VAX2: variants seen among roughly 807,000 people sequenced by gnomAD.
VAX2 encodes ventral anterior homeobox 2.
In VAX2, 8 loss-of-function variants were observed where a neutral mutation model predicts 12.5. That is an observed-to-expected ratio of 0.64 (90% CI 0.37 to 1.15). The LOEUF (loss-of-function observed/expected upper bound fraction) is 1.15. Ranked by LOEUF, VAX2 falls within the 50% of genes most tolerant of loss-of-function variation. The probability of loss-of-function intolerance (pLI) is 0.01; values close to 1 mark genes in which losing one functional copy is unlikely to be tolerated. For synonymous variants in VAX2, 183 were observed against 187.6 expected, an observed-to-expected ratio of 0.98 and a Z score of 0.20; for missense variants, 476 against 412.9, an observed-to-expected ratio of 1.15 and a Z score of -1.32.
chr2:70,908,380 C>T (rs1679107575), intron 1 of VAX2, among the ~76,000 whole-genome samples: 1 of 152,182 alleles, frequency 6.6e-6, no homozygotes, highest in Admixed American at 6.5e-5. Flanking sequence ...GGTTCAAGGA[C>T]TTTCTAATAT....
At chr2:70,909,776 T>C (rs1220648498) in intron 1 of VAX2, among the ~76,000 whole-genome samples, 1 of 152,208 alleles carries the variant, frequency 6.6e-6, no homozygotes, top group Non-Finnish European at 1.5e-5. Context: ...TATGTAGATA[T>C]CATATAACTT....
Position 70,923,604 on chromosome 2 carries a change from G to A in VAX2, c.435+2319G>A, listed in dbSNP as rs375896602. Among the ~76,000 whole-genome samples the A allele has an allele frequency of 2.6e-5, 4 of 152,282 alleles. No homozygotes were observed. In the East Asian group the frequency reaches 7.7e-4, roughly 29 times the overall value. On this transcript the variant is annotated intron_variant, in intron 2 of 2. Transcript: ENST00000234392. ...GCCTAAAACCGGGGGCTCCCACATC[G>A]CCCTCTGCAGGTTTGACAATTCACT...
chr2:70,917,322 C>CAAATAAAT (rs56031108), intron 1 of VAX2, among the ~76,000 whole-genome samples: 7,881 of 147,270 alleles, frequency 0.054, 609 homozygotes, highest in African/African-American at 0.17. Flanking sequence ...ACTCTATCTC[C>CAAATAAAT]AAATAAATAA....
At chr2:70,922,486 C>A (rs1175618233) in intron 2 of VAX2, among the ~76,000 whole-genome samples, 1 of 152,200 alleles carries the variant, frequency 6.6e-6, no homozygotes, top group African/African-American at 2.4e-5. Context: ...TCAAATCCCC[C>A]CAACAGAGTG....
At chr2:70,901,928 C>T (rs1477963503) in intron 1 of VAX2, among the ~76,000 whole-genome samples, 3 of 152,234 alleles carry the variant, frequency 2.0e-5, no homozygotes, top group African/African-American at 4.8e-5. Context: ...TCCCTCCTCC[C>T]GGCTTCCTCC....
chr2:70,903,407 C>T (rs1269714471), intron 1 of VAX2, among the ~76,000 whole-genome samples: 2 of 152,180 alleles, frequency 1.3e-5, no homozygotes, highest in Non-Finnish European at 2.9e-5. Context: ...CACTCCTCCA[C>T]CTAAGGGCAT....
At chr2:70,921,422 C>G (rs1014811861) in intron 2 of VAX2, 137 bp downstream of exon 2, 2 of 1,035,112 alleles carry the variant, frequency 1.9e-6, no homozygotes, top group Non-Finnish European at 2.6e-6. Context: ...AGACTTTAAG[C>G]TACAGGTAAA....
chr2:70,910,001 A>G (rs965521686), intron 1 of VAX2, among the ~76,000 whole-genome samples: 2 of 152,162 alleles, frequency 1.3e-5, no homozygotes, highest in South Asian at 4.1e-4. Flanking sequence ...AATCTTATTT[A>G]TGAGACAATT....
At position 70,932,972 on chromosome 2, in the gene VAX2, A is replaced by T. The variant is rs2104791071; in HGVS notation, c.641A>T (p.His214Leu). 1.2e-6 allele frequency: 2 copies of T among 1,611,120 alleles called. No individual in the cohort carries two copies. Among genetic ancestry groups the T allele is most frequent in the Middle Eastern group, 1.7e-4 (1 of 6,048 alleles). Residue 214 changes from histidine (H) to leucine (L), a missense_variant, in exon 3 of 3, where the codon CAC becomes CTC. Physicochemically the swap from His to Leu is moderately conservative, Grantham distance 99. Transcript: ENST00000234392. Reference sequence around the variant, plus strand: ...AGCCTGCCAGGCCTACCTGCCAGCCACAGGGGCACCTCCTTAGGTGACCCC... The same window carrying T: ...AGCCTGCCAGGCCTACCTGCCAGCCTCAGGGGCACCTCCTTAGGTGACCCC... ...TPSLPGLPAS[H>L]RGTSLGDPRN...
intron 2 of VAX2, among the ~76,000 whole-genome samples, chr2:70,926,850 T>G (rs1679585584): frequency 1.3e-5 from 2 of 152,016 alleles, no homozygotes; most frequent in East Asian, 3.9e-4. Context: ...GAGGAAGAGT[T>G]AAGAACCCCA....
chr2:70,913,404 G>A lies in VAX2; in HGVS notation c.248-7694G>A, dbSNP rs557684036. On this transcript the variant is annotated intron_variant, in intron 1 of 2. Coordinates refer to ENST00000234392, the MANE Select transcript of VAX2 (RefSeq NM_012476.3). ...ATTAGAAATAAATTGCTTGAAGGCC[G>A]GGTGCAGTGGCTTACGCCTGTAATC... Among the ~76,000 whole-genome samples the A allele has an allele frequency of 1.3e-4, 20 of 152,176 alleles. No homozygotes were observed. In the South Asian group the frequency reaches 3.5e-3, roughly 27 times the overall value.
chr2:70,925,576 G>C (rs782387566), intron 2 of VAX2, among the ~76,000 whole-genome samples: 12 of 152,160 alleles, frequency 7.9e-5, no homozygotes, highest in East Asian at 1.9e-4. Flanking sequence ...TCAGATTTTG[G>C]GGGGAGGGCT....
chr2:70,921,237 C>T lies in VAX2; in HGVS notation c.387C>T (p.Gly129=). The T allele has an allele frequency of 1.2e-6, 2 of 1,613,246 alleles. No individual in the cohort carries two copies. Among genetic ancestry groups the T allele is most frequent in the Non-Finnish European group, 1.7e-6 (2 of 1,179,766 alleles). The part of the protein sequence containing the change: ...MEFQRCQYVV[G]RERTELARQL... ...TCCAGCGCTGCCAGTATGTGGTGGGCCGCGAGCGCACTGAGCTGGCCCGCC... is the reference window on the plus strand; with the variant it reads ...TCCAGCGCTGCCAGTATGTGGTGGGTCGCGAGCGCACTGAGCTGGCCCGCC... The change falls in exon 2 of 3, where the codon GGC becomes GGT. Residue 129 remains glycine (G), a synonymous_variant. Transcript: ENST00000234392.
At chr2:70,907,370 G>GCGGCAGC (rs1679084520) in intron 1 of VAX2, among the ~76,000 whole-genome samples, 1 of 152,234 alleles carries the variant, frequency 6.6e-6, no homozygotes, top group Admixed American at 6.5e-5. Flanking sequence ...TCGGCTTTCG[G>GCGGCAGC]CGGCAGCCGG....
At position 70,932,749 on chromosome 2, in the gene VAX2, C is replaced by G. The variant is rs781920830; in HGVS notation, c.436-18C>G. 6.6e-7 allele frequency: 1 copy of G among 1,509,354 alleles called. No homozygotes were observed. The highest frequency in any genetic ancestry group is 8.9e-7 in the Non-Finnish European group (1 of 1,124,838). 93.5% of individuals were successfully genotyped at this position (1,509,354 alleles called of 1,614,324 possible). Reference sequence around the variant, plus strand: ...CCTGTCCCATCTCCCTCCTTGACACCCCCTCCCCCACCCCAAGGTGAAGGT... The same window carrying G: ...CCTGTCCCATCTCCCTCCTTGACACGCCCTCCCCCACCCCAAGGTGAAGGT... On this transcript the variant is annotated intron_variant, in intron 2 of 2. Transcript: ENST00000234392.
intron 2 of VAX2, among the ~76,000 whole-genome samples, chr2:70,923,411 A>G (rs1679504837): frequency 6.6e-6 from 1 of 152,196 alleles, no homozygotes; most frequent in South Asian, 2.1e-4. Flanking sequence ...TCCAACCACC[A>G]GCAGGCAGTG....
chr2:70,933,258 T>C lies in VAX2; in HGVS notation c.*54T>C, dbSNP rs1679748024. ...AGCACAGCACCTTCCCAGTCTCCTG[T>C]GCCCCAGCGGACAGCACTGAGCAGG... On this transcript the variant is annotated 3_prime_UTR_variant, in exon 3 of 3. Coordinates refer to ENST00000234392, the MANE Select transcript of VAX2 (RefSeq NM_012476.3). The C allele has an allele frequency of 1.4e-6, 2 of 1,455,404 alleles. No individual in the cohort carries two copies. Among genetic ancestry groups the C allele is most frequent in the African/African-American group, 2.9e-5 (2 of 69,858 alleles). The allele number at this position is 1,455,404 out of a possible 1,614,324, so 90.2% of individuals were successfully genotyped here. A position where few individuals can be genotyped will look rare whatever the true frequency, so the allele number is the denominator to read the frequency against.
At chr2:70,920,970 A>G (rs1275454272) in intron 1 of VAX2, 128 bp from the exon 2 acceptor site, 2 of 1,140,478 alleles carry the variant, frequency 1.8e-6, no homozygotes, top group Non-Finnish European at 2.4e-6. Context: ...AACTTGTCAC[A>G]GGTCATGCAA....
At chr2:70,922,089 C>T (rs782215493) in intron 2 of VAX2, among the ~76,000 whole-genome samples, 1 of 152,170 alleles carries the variant, frequency 6.6e-6, no homozygotes, top group Non-Finnish European at 1.5e-5. Flanking sequence ...TAATTAGTTC[C>T]GGAGCTGGGC....
Sources: allele counts gnomAD v4.1 joint callset (sites outside exome capture counted in the v4.1 genomes callset), GRCh38; gene constraint gnomAD v4.1.1; transcripts MANE v1.5; gene names NCBI Gene and HGNC (gene_info 2026-07-23, HGNC 2026-07-21).